The following SLC35F4 variants were observed in gnomAD, a reference collection of about 807,000 sequenced individuals.
The protein encoded by SLC35F4 is solute carrier family 35 member F4.
In SLC35F4, 24 loss-of-function variants were observed where a neutral mutation model predicts 44.2. The observed-to-expected ratio is 0.54, with a 90% CI of 0.39 to 0.76. The LOEUF (loss-of-function observed/expected upper bound fraction) is 0.76. SLC35F4 is among the 30% of genes least tolerant of loss of function. The pLI, the probability that SLC35F4 is intolerant of heterozygous loss-of-function variation, is 0.00. For missense variants in SLC35F4, 562 were observed against 586.1 expected (o/e 0.96, Z 0.42); for synonymous variants, 238 against 223.6 (o/e 1.06, Z -0.57).
intron 1 of SLC35F4, among the ~76,000 whole-genome samples, chr14:57,696,339 G>A (rs2075383253): frequency 6.6e-6 from 1 of 152,186 alleles, no homozygotes; most frequent in African/African-American, 2.4e-5. Flanking sequence ...CTGGTCATTA[G>A]AGAAACACAA....
At chr14:57,848,970 A>T (rs1886282617) in intron 1 of SLC35F4, among the ~76,000 whole-genome samples, 1 of 152,172 alleles carries the variant, frequency 6.6e-6, no homozygotes, top group Non-Finnish European at 1.5e-5. Context: ...AAGTCCTTTG[A>T]ATCTGACCCA....
chr14:57,978,917 G>A (rs1475942780), intron 1 of SLC35F4, among the ~76,000 whole-genome samples: 1 of 152,204 alleles, frequency 6.6e-6, no homozygotes, highest in Non-Finnish European at 1.5e-5. Flanking sequence ...GTGGAAGTGA[G>A]TAGTCCTCAT....
Position 57,764,117 on chromosome 14 carries a change from T to C in SLC35F4, c.103+101606A>G, listed in dbSNP as rs568710057. 2.6e-4 allele frequency among the ~76,000 whole-genome samples: 40 copies of C among 152,296 alleles called. No individual in the cohort carries two copies. The South Asian group carries it at 8.1e-3, about 31-fold the overall frequency. ...TCAGCCATGTGATTGAGTAATTTTA[T>C]ATGTCCACCCCATCTGAGCCTGAAG... On this transcript the variant is annotated intron_variant, in intron 1 of 7. Transcript: ENST00000556826.
chr14:57,764,231 G>A (rs539538264), intron 1 of SLC35F4, among the ~76,000 whole-genome samples: 1 of 152,200 alleles, frequency 6.6e-6, no homozygotes, highest in East Asian at 1.9e-4. Context: ...TTGTTTTTAA[G>A]CTGTCAGGCT....
chr14:57,728,002 T>C (rs1009290807), intron 1 of SLC35F4, among the ~76,000 whole-genome samples: 5 of 152,182 alleles, frequency 3.3e-5, no homozygotes, highest in African/African-American at 1.2e-4. Context: ...CAGATATTAT[T>C]GTATTGGGAT....
chr14:57,583,180 T>A (rs892756804), intron 3 of SLC35F4, among the ~76,000 whole-genome samples: 3 of 152,214 alleles, frequency 2.0e-5, no homozygotes, highest in African/African-American at 4.8e-5. Flanking sequence ...ACAGTCTCTT[T>A]GAAGCCCCAC....
intron 1 of SLC35F4, among the ~76,000 whole-genome samples, chr14:57,948,529 T>G (rs10131025): frequency 0.032 from 4,913 of 152,278 alleles, 100 homozygotes; most frequent in Non-Finnish European, 0.042. Flanking sequence ...TGTTTCAATT[T>G]TATTTAGTTC....
At chr14:57,584,177 C>G (rs2069517241) in intron 3 of SLC35F4, among the ~76,000 whole-genome samples, 1 of 152,006 alleles carries the variant, frequency 6.6e-6, no homozygotes, top group South Asian at 2.1e-4. Flanking sequence ...TTTTTTCTTC[C>G]TAAATTTCAA....
intron 1 of SLC35F4, among the ~76,000 whole-genome samples, chr14:57,633,266 A>T (rs1006920983): frequency 6.6e-5 from 10 of 152,098 alleles, no homozygotes; most frequent in African/African-American, 2.4e-4. Context: ...AGATTACTGG[A>T]TTTTACAGTA....
At chr14:57,860,805 A>T (rs531497797) in intron 1 of SLC35F4, among the ~76,000 whole-genome samples, 1 of 151,942 alleles carries the variant, frequency 6.6e-6, no homozygotes, top group South Asian at 2.1e-4. Flanking sequence ...TTCTACTGAG[A>T]CCTCTAATTC....
downstream of SLC35F4, among the ~76,000 whole-genome samples, chr14:57,972,498 T>C (rs1390671324): frequency 2.7e-5 from 4 of 150,320 alleles, no homozygotes; most frequent in Non-Finnish European, 4.4e-5. Context: ...GTGGCTTTGG[T>C]AGGGAAAAAA....
intron 1 of SLC35F4, among the ~76,000 whole-genome samples, chr14:57,865,314 C>A (rs528660733): frequency 2.9e-4 from 44 of 152,104 alleles, no homozygotes; most frequent in African/African-American, 1.0e-3. Flanking sequence ...GCGTCCCCAG[C>A]GCCCCGCACG....
intron 1 of SLC35F4, among the ~76,000 whole-genome samples, chr14:57,664,535 A>C (rs769210467): frequency 1.2e-4 from 18 of 152,074 alleles, no homozygotes; most frequent in Non-Finnish European, 2.5e-4. Context: ...CACCCTCCCA[A>C]GTAGCTAGGA....
At chr14:57,739,469 T>C (rs966769974) in intron 1 of SLC35F4, among the ~76,000 whole-genome samples, 9 of 152,230 alleles carry the variant, frequency 5.9e-5, no homozygotes, top group African/African-American at 9.6e-5. Flanking sequence ...CTAGGTGTAA[T>C]TGGGAAGTGC....
intron 1 of SLC35F4, among the ~76,000 whole-genome samples, chr14:57,717,509 G>A (rs979776518): frequency 1.3e-5 from 2 of 152,100 alleles, no homozygotes; most frequent in Non-Finnish European, 2.9e-5. Flanking sequence ...GGTGTCGGGC[G>A]CCTGTAGTCC....
chr14:57,630,815 C>CAGGCA (rs1428569644), intron 1 of SLC35F4: 6 of 610,266 alleles, frequency 9.8e-6, no homozygotes, highest in Non-Finnish European at 1.1e-5. Flanking sequence ...TTCCCTGTAC[C>CAGGCA]AGGCAATGAT....
rs1461507469 is a variant in SLC35F4 at position 57,865,062 on chromosome 14, C to A, written c.103+661G>T. ...CCTGTCGCCTCCCCTTCTCAGACCCCCCCCCCCCACGCCCCCAGTCTTTTG... is the reference window on the plus strand; with the variant it reads ...CCTGTCGCCTCCCCTTCTCAGACCCACCCCCCCCACGCCCCCAGTCTTTTG... On this transcript the variant is annotated intron_variant, in intron 1 of 7. Coordinates refer to ENST00000556826, the MANE Select transcript of SLC35F4 (RefSeq NM_001306087.2). 6.7e-4 allele frequency among the ~76,000 whole-genome samples: 101 copies of A among 150,318 alleles called. 1 individual carries two copies. The highest frequency in any genetic ancestry group is 1.1e-3 in the Non-Finnish European group (75 of 67,232).
chr14:57,722,596 G>A (rs2076111614), intron 1 of SLC35F4, among the ~76,000 whole-genome samples: 1 of 152,046 alleles, frequency 6.6e-6, no homozygotes, highest in Non-Finnish European at 1.5e-5. Flanking sequence ...ATGGTGCCAG[G>A]GGCCAAGTAG....
chr14:57,687,234 G>A (rs1438222444), intron 1 of SLC35F4, among the ~76,000 whole-genome samples: 2 of 152,254 alleles, frequency 1.3e-5, no homozygotes, highest in South Asian at 4.1e-4. Context: ...ACTAAGGCAA[G>A]GTTTCACTGG....
Sources: gnomAD v4.1 joint callset for allele counts (sites outside exome capture counted in the v4.1 genomes callset) on GRCh38, gnomAD v4.1.1 for gene constraint, MANE v1.5 for transcripts, NCBI Gene and HGNC (gene_info 2026-07-23, HGNC 2026-07-21) for gene names.